The following RPS6KC1 variants were observed in gnomAD, a reference collection of about 807,000 sequenced individuals.
RPS6KC1 encodes inactive ribosomal protein S6 kinase delta-1.
RPS6KC1 carries 54 observed loss-of-function variants against 103.8 expected under a neutral mutation model. That is an observed-to-expected ratio of 0.52 (90% CI 0.42 to 0.65). The LOEUF (loss-of-function observed/expected upper bound fraction) is 0.65. Among genes scored for constraint, RPS6KC1 ranks in the 30% least tolerant of loss-of-function variants. The probability of loss-of-function intolerance (pLI) is 0.00; values close to 1 mark genes in which losing one functional copy is unlikely to be tolerated. For missense variants in RPS6KC1, 1,151 were observed against 1,253.8 expected (o/e 0.92, Z 1.24); for synonymous variants, 439 against 438.7 (o/e 1.00, Z -0.01).
At chr1:213,417,038 C>G in the RPS6KC1 span, among the ~76,000 whole-genome samples, 1 of 152,204 alleles carries the variant, frequency 6.6e-6, no homozygotes, top group South Asian at 2.1e-4. Flanking sequence ...TCTGTTCTGT[C>G]TGCCGGGAAC....
the RPS6KC1 span, among the ~76,000 whole-genome samples, chr1:213,503,352 C>G: frequency 6.6e-6 from 1 of 152,144 alleles, no homozygotes; most frequent in African/African-American, 2.4e-5. Flanking sequence ...ACTTGTGGCT[C>G]TGTTGTCCTT....
the RPS6KC1 span, among the ~76,000 whole-genome samples, chr1:213,408,269 A>G: frequency 6.6e-6 from 1 of 152,222 alleles, no homozygotes. Flanking sequence ...GCTTACCATG[A>G]TGCAGGGCCT....
At chr1:213,403,926 G>T in the RPS6KC1 span, among the ~76,000 whole-genome samples, 1 of 152,210 alleles carries the variant, frequency 6.6e-6, no homozygotes, top group Admixed American at 6.5e-5. Flanking sequence ...GGATCTCTGT[G>T]TCTTAGTTTG....
the RPS6KC1 span, among the ~76,000 whole-genome samples, chr1:213,339,487 G>C: frequency 1.3e-5 from 2 of 152,178 alleles, no homozygotes; most frequent in African/African-American, 4.8e-5. Context: ...GTTGCTTTAA[G>C]CAACTGGGTT....
the RPS6KC1 span, among the ~76,000 whole-genome samples, chr1:213,492,894 C>T: frequency 6.6e-6 from 1 of 152,190 alleles, no homozygotes; most frequent in Non-Finnish European, 1.5e-5. Context: ...GACCATGTGG[C>T]AGTTGGTTAG....
At chr1:213,696,191 A>G in the RPS6KC1 span, among the ~76,000 whole-genome samples, 2 of 152,138 alleles carry the variant, frequency 1.3e-5, no homozygotes, top group Non-Finnish European at 2.9e-5. Flanking sequence ...GATTACTGCT[A>G]TTCTTCCTCT....
chr1:213,824,551 T>G, the RPS6KC1 span, among the ~76,000 whole-genome samples: 1 of 152,206 alleles, frequency 6.6e-6, no homozygotes, highest in Non-Finnish European at 1.5e-5. Flanking sequence ...ACCCAAATCT[T>G]GTCTTGAATT....
At chr1:213,152,060 C>G (rs1156936407) in intron 6 of RPS6KC1, among the ~76,000 whole-genome samples, 1 of 143,998 alleles carries the variant, frequency 6.9e-6, no homozygotes, top group Non-Finnish European at 1.5e-5. Flanking sequence ...GGGGGCTAAC[C>G]CCCCCACCTC....
chr1:213,413,604 G>A, the RPS6KC1 span, among the ~76,000 whole-genome samples: 10 of 152,302 alleles, frequency 6.6e-5, no homozygotes, highest in East Asian at 1.9e-4. Context: ...CTATCCATGC[G>A]TACATCCTCA....
At chr1:213,823,606 C>G in the RPS6KC1 span, among the ~76,000 whole-genome samples, 3 of 152,092 alleles carry the variant, frequency 2.0e-5, no homozygotes, top group African/African-American at 7.2e-5. Context: ...ACCTCCTCTT[C>G]CCAACAGAAT....
chr1:213,094,122 T>C (rs905082531), intron 3 of RPS6KC1, among the ~76,000 whole-genome samples: 2 of 150,644 alleles, frequency 1.3e-5, no homozygotes, highest in African/African-American at 4.9e-5. Flanking sequence ...AGTGAACACA[T>C]ATATATACGT....
chr1:213,424,982 G>T, the RPS6KC1 span, among the ~76,000 whole-genome samples: 2 of 152,122 alleles, frequency 1.3e-5, no homozygotes, highest in East Asian at 3.9e-4. Flanking sequence ...CACATAGCCA[G>T]CCACTTTGTC....
the RPS6KC1 span, chr1:213,822,452 A>G: frequency 6.6e-6 from 1 of 152,070 alleles, no homozygotes; most frequent in Non-Finnish European, 1.5e-5. Flanking sequence ...AAAAAAAGAC[A>G]AGTTCAATGG....
the RPS6KC1 span, among the ~76,000 whole-genome samples, chr1:213,441,145 G>A: frequency 1.5e-3 from 230 of 152,230 alleles, 2 homozygotes; most frequent in African/African-American, 5.3e-3. Flanking sequence ...CTTCACATAG[G>A]CCCCTTTAAA....
intron 4 of RPS6KC1, among the ~76,000 whole-genome samples, chr1:213,104,815 G>T (rs768458594): frequency 6.6e-6 from 1 of 150,436 alleles, no homozygotes; most frequent in Admixed American, 6.7e-5. Flanking sequence ...ATTGACAGGT[G>T]TGATCATGGC....
the RPS6KC1 span, among the ~76,000 whole-genome samples, chr1:213,483,082 A>G: frequency 2.7e-3 from 409 of 152,284 alleles, 2 homozygotes; most frequent in African/African-American, 9.1e-3. Flanking sequence ...TTTTAAAAGT[A>G]CCTTTTTAAT....
chr1:213,314,369 C>T, the RPS6KC1 span, among the ~76,000 whole-genome samples: 8 of 152,212 alleles, frequency 5.3e-5, no homozygotes, highest in Non-Finnish European at 1.0e-4. Context: ...CAATCATACC[C>T]CATCCACCCT....
the RPS6KC1 span, among the ~76,000 whole-genome samples, chr1:213,711,554 TG>T: frequency 6.6e-6 from 1 of 152,178 alleles, no homozygotes; most frequent in Non-Finnish European, 1.5e-5. Context: ...TTTTCCTTGC[TG>T]GCAAGGAGTT....
At chr1:213,567,935 G>T in the RPS6KC1 span, among the ~76,000 whole-genome samples, 1 of 152,164 alleles carries the variant, frequency 6.6e-6, no homozygotes, top group East Asian at 1.9e-4. Flanking sequence ...TTTATTTCTG[G>T]GTATGTCTTT....
Sources: gnomAD v4.1 joint callset for allele counts (sites outside exome capture counted in the v4.1 genomes callset) on GRCh38, gnomAD v4.1.1 for gene constraint, MANE v1.5 for transcripts, NCBI Gene and HGNC (gene_info 2026-07-23, HGNC 2026-07-21) for gene names.